Variants in RCAN2 observed in about 807,000 individuals in gnomAD.
RCAN2 encodes the protein calcipressin-2.
RCAN2 carries 9 observed loss-of-function variants against 23.6 expected under a neutral mutation model. The observed-to-expected ratio is 0.38, with a 90% CI of 0.23 to 0.67. The LOEUF is 0.67. Ranked by LOEUF, RCAN2 falls within the 30% of genes least tolerant of loss-of-function variation. RCAN2 has a pLI of 0.51. For synonymous variants in RCAN2, 109 were observed against 115.7 expected, an observed-to-expected ratio of 0.94 and a Z score of 0.37; for missense variants, 273 against 302.3, an observed-to-expected ratio of 0.90 and a Z score of 0.72.
intron 4 of RCAN2, among the ~76,000 whole-genome samples, chr6:46,228,241 T>A (rs1471454567): frequency 6.6e-6 from 1 of 152,218 alleles, no homozygotes; most frequent in African/African-American, 2.4e-5. Context: ...CTGAGAAGAA[T>A]GTATATTCTG....
In RCAN2 at chr6:46,456,925, G is replaced by A; in HGVS notation, c.52C>T (p.His18Tyr). The A allele has an allele frequency of 6.4e-7, 1 of 1,550,846 alleles. No individual in the cohort carries two copies. Among genetic ancestry groups the A allele is most frequent in the South Asian group, 1.2e-5 (1 of 84,058 alleles). The change falls in exon 2 of 5, where the codon CAC becomes TAC. Residue 18 changes from histidine (H) to tyrosine (Y), a missense_variant. Coordinates refer to ENST00000371374, the MANE Select transcript of RCAN2 (RefSeq NM_001251974.2). ...IGMRSPGQQGHVPEDGGLFLL... is the reference protein window; with the variant it reads ...IGMRSPGQQGYVPEDGGLFLL... ...AAAAGTCCTCCATCTTCAGGGACGTGTCCCTGCTGCCCTGGGCTCCTCATT... is the reference window on the plus strand; with the variant it reads ...AAAAGTCCTCCATCTTCAGGGACGTATCCCTGCTGCCCTGGGCTCCTCATT...
intron 1 of RCAN2, among the ~76,000 whole-genome samples, chr6:46,465,154 C>A (rs918687587): frequency 3.3e-5 from 5 of 152,110 alleles, no homozygotes; most frequent in African/African-American, 1.2e-4. Context: ...GCATTTCAAA[C>A]AGGTTTGCTG....
At chr6:46,477,314 GGT>G (rs1247598946) in intron 1 of RCAN2, among the ~76,000 whole-genome samples, 10 of 152,134 alleles carry the variant, frequency 6.6e-5, no homozygotes, top group Non-Finnish European at 1.5e-4. Context: ...TAAAATTATT[GGT>G]GAGCTCTTCA....
At chr6:46,342,824 A>T (rs1764371696) in intron 2 of RCAN2, among the ~76,000 whole-genome samples, 1 of 152,176 alleles carries the variant, frequency 6.6e-6, no homozygotes, top group Admixed American at 6.5e-5. Flanking sequence ...AGAATAATGG[A>T]TCAGAATCCC....
chr6:46,407,945 CA>C (rs1264332894), intron 2 of RCAN2, among the ~76,000 whole-genome samples: 1 of 152,212 alleles, frequency 6.6e-6, no homozygotes, highest in African/African-American at 2.4e-5. Context: ...ACTGGAAGTT[CA>C]AATGCCATCC....
rs368221717 is a variant in RCAN2 at position 46,248,947 on chromosome 6, G to A, written c.226-51C>T. On this transcript the variant is annotated intron_variant, in intron 2 of 4. Coordinates refer to ENST00000371374, the MANE Select transcript of RCAN2 (RefSeq NM_001251974.2). Reference sequence around the variant, plus strand: ...ATCCATTGGCCATGGCATGGATCTCGTATGATGTCATATCTGATAAAAACA... The same window carrying A: ...ATCCATTGGCCATGGCATGGATCTCATATGATGTCATATCTGATAAAAACA... 4.6e-5 allele frequency: 62 copies of A among 1,335,378 alleles called. No homozygotes were observed. In the Middle Eastern group the frequency reaches 5.6e-4, roughly 12 times the overall value. The allele number at this position is 1,335,378 out of a possible 1,614,324, so 82.7% of individuals were successfully genotyped here. A position where few individuals can be genotyped will look rare whatever the true frequency, so the allele number is the denominator to read the frequency against.
rs2150299266 is a variant in RCAN2, at chr6:46,220,872, T to C, written c.*2269A>G. On this transcript the variant is annotated 3_prime_UTR_variant, in exon 5 of 5. Coordinates refer to ENST00000371374, the MANE Select transcript of RCAN2 (RefSeq NM_001251974.2). ...TAAAATAGTGCTAAAGAGATTTGCA[T>C]AATGTGCGTCATGGAAATGCTGAGG... The C allele has an allele frequency of 6.5e-6, 1 of 152,870 alleles. No individual in the cohort carries two copies. The highest frequency in any genetic ancestry group is 1.5e-5 in the Non-Finnish European group (1 of 68,040). The allele number at this position is 152,870 out of a possible 1,614,324, so 9.5% of individuals were successfully genotyped here. A position where few individuals can be genotyped will look rare whatever the true frequency, so the allele number is the denominator to read the frequency against.
At chr6:46,342,761 A>G (rs187504664) in intron 2 of RCAN2, among the ~76,000 whole-genome samples, 1 of 151,992 alleles carries the variant, frequency 6.6e-6, no homozygotes, top group Admixed American at 6.6e-5. Context: ...ATAGAGAGGC[A>G]TAAGGAGAAA....
At chr6:46,325,320 C>T in intron 2 of RCAN2, 2 of 1,549,414 alleles carry the variant, frequency 1.3e-6, no homozygotes, top group Non-Finnish European at 1.8e-6. Context: ...AGTCTTATTT[C>T]TTCATGCTAA....
chr6:46,360,735 G>T (rs1030179771), intron 2 of RCAN2, among the ~76,000 whole-genome samples: 3 of 152,088 alleles, frequency 2.0e-5, no homozygotes, highest in African/African-American at 7.2e-5. Context: ...AATTTGTTTG[G>T]TACCAAATAG....
intron 2 of RCAN2, among the ~76,000 whole-genome samples, chr6:46,289,050 G>A (rs758590383): frequency 3.3e-5 from 5 of 152,166 alleles, no homozygotes; most frequent in East Asian, 1.9e-4. Flanking sequence ...CTACATATGC[G>A]GGAAGCTGGC....
intron 2 of RCAN2, among the ~76,000 whole-genome samples, chr6:46,303,404 G>C (rs900700189): frequency 4.6e-5 from 7 of 152,138 alleles, no homozygotes; most frequent in Admixed American, 1.3e-4. Flanking sequence ...AAAATTTGAA[G>C]GCCAGGTATC....
intron 2 of RCAN2, among the ~76,000 whole-genome samples, chr6:46,356,056 GAC>G (rs1406285345): frequency 1.3e-5 from 2 of 152,214 alleles, no homozygotes; most frequent in African/African-American, 4.8e-5. Context: ...CACAGACACA[GAC>G]ACAGACATGA....
intron 2 of RCAN2, among the ~76,000 whole-genome samples, chr6:46,313,524 T>C (rs535355051): frequency 6.6e-6 from 1 of 152,246 alleles, no homozygotes; most frequent in Non-Finnish European, 1.5e-5. Flanking sequence ...TCTTTTTACA[T>C]ATAAGGAAAA....
chr6:46,488,254 G>A (rs1480178483), intron 1 of RCAN2, among the ~76,000 whole-genome samples: 3 of 152,200 alleles, frequency 2.0e-5, no homozygotes, highest in Non-Finnish European at 2.9e-5. Context: ...TGTGACCCAC[G>A]CAAGATATCC....
chr6:46,436,830 T>G (rs932305487), intron 2 of RCAN2, among the ~76,000 whole-genome samples: 1 of 152,192 alleles, frequency 6.6e-6, no homozygotes, highest in Non-Finnish European at 1.5e-5. Context: ...ATCATTTCCC[T>G]AATTAGAGAC....
At chr6:46,238,393 A>G (rs564251408) in intron 4 of RCAN2, among the ~76,000 whole-genome samples, 1 of 152,230 alleles carries the variant, frequency 6.6e-6, no homozygotes, top group South Asian at 2.1e-4. Flanking sequence ...GTGTCTGGAA[A>G]TGGATTTTTT....
chr6:46,488,557 A>G (rs143516728), intron 1 of RCAN2, among the ~76,000 whole-genome samples: 2 of 152,356 alleles, frequency 1.3e-5, no homozygotes, highest in South Asian at 4.1e-4. Context: ...AACCTTACAC[A>G]GTCTCAGAAA....
chr6:46,236,769 T>A (rs904129869), intron 4 of RCAN2, among the ~76,000 whole-genome samples: 2 of 152,204 alleles, frequency 1.3e-5, no homozygotes, highest in African/African-American at 4.8e-5. Flanking sequence ...CAAGCATCTA[T>A]CCTCTTATCA....
Sources: gnomAD v4.1 joint callset for allele counts (sites outside exome capture counted in the v4.1 genomes callset) on GRCh38, gnomAD v4.1.1 for gene constraint, MANE v1.5 for transcripts, NCBI Gene and HGNC (gene_info 2026-07-23, HGNC 2026-07-21) for gene names.